DYNC2LI1: variants seen among roughly 807,000 people sequenced by gnomAD.
DYNC2LI1 encodes cytoplasmic dynein 2 light intermediate chain 1.
In DYNC2LI1, 45 loss-of-function variants were observed where a neutral mutation model predicts 51.9. The ratio of observed to expected loss-of-function variants is 0.87; its 90% confidence interval spans 0.68 to 1.11. The LOEUF is 1.11. Among genes scored for constraint, DYNC2LI1 ranks in the 50% most tolerant of loss-of-function variants. The probability of loss-of-function intolerance (pLI) is 0.00; values close to 1 mark genes in which losing one functional copy is unlikely to be tolerated. For missense variants in DYNC2LI1, 490 were observed against 417.4 expected (o/e 1.17, Z -1.51); for synonymous variants, 130 against 137.8 (o/e 0.94, Z 0.40).
Position 43,800,829 on chromosome 2 carries a change from A to C in DYNC2LI1, c.655-12A>C. Reference sequence around the variant, plus strand: ...ATAGAGCATGTAATTTGTTCTCCTGATTTGTTTAAAGTTTACCAGTAAATC... The same window carrying C: ...ATAGAGCATGTAATTTGTTCTCCTGCTTTGTTTAAAGTTTACCAGTAAATC... On this transcript the variant is annotated splice_polypyrimidine_tract_variant and intron_variant, in intron 8 of 12. Transcript: ENST00000260605. The C allele has an allele frequency of 6.7e-7, 1 of 1,500,726 alleles. No homozygotes were observed. Among genetic ancestry groups the C allele is most frequent in the Non-Finnish European group, 9.1e-7 (1 of 1,094,844 alleles). 93.0% of individuals were successfully genotyped at this position (1,500,726 alleles called of 1,614,324 possible).
At chr2:43,780,803 G>A (rs1019172686) in intron 2 of DYNC2LI1, among the ~76,000 whole-genome samples, 2 of 152,062 alleles carry the variant, frequency 1.3e-5, no homozygotes, top group Non-Finnish European at 2.9e-5. Context: ...GAGAGGGCTG[G>A]ACATCTGGGG....
At chr2:43,784,731 G>A (rs1405181636) in intron 3 of DYNC2LI1, among the ~76,000 whole-genome samples, 2 of 152,092 alleles carry the variant, frequency 1.3e-5, no homozygotes, top group Non-Finnish European at 2.9e-5. Flanking sequence ...ACCACGCCTG[G>A]CCCTGAAAAG....
the DYNC2LI1 span, among the ~76,000 whole-genome samples, chr2:43,821,127 G>A: frequency 3.3e-5 from 5 of 151,908 alleles, no homozygotes; most frequent in Non-Finnish European, 7.4e-5. Flanking sequence ...TCTTATACTC[G>A]CCCCTCCTTA....
At chr2:43,801,769 C>A in intron 10 of DYNC2LI1, 60 bp downstream of exon 10, 1 of 1,291,400 alleles carries the variant, frequency 7.7e-7, no homozygotes, top group Non-Finnish European at 1.1e-6. Flanking sequence ...TTTTGTCCTA[C>A]TCCATGTTCA....
the DYNC2LI1 span, chr2:43,824,868 G>A: frequency 2.5e-6 from 4 of 1,613,230 alleles, no homozygotes; most frequent in Non-Finnish European, 3.4e-6. Flanking sequence ...TCATGATGGG[G>A]AATGTGAAAG....
At chr2:43,789,980 A>G (rs1160290066) in intron 5 of DYNC2LI1, among the ~76,000 whole-genome samples, 1 of 152,222 alleles carries the variant, frequency 6.6e-6, no homozygotes, top group East Asian at 1.9e-4. Flanking sequence ...AACAAACAAA[A>G]ATACATCAAA....
At chr2:43,824,788 A>G in the DYNC2LI1 span, 1 of 1,557,246 alleles carries the variant, frequency 6.4e-7, no homozygotes, top group South Asian at 1.2e-5. Flanking sequence ...CAAAAACAAA[A>G]GCAAAAATCA....
At chr2:43,824,746 G>A in the DYNC2LI1 span, 26 of 1,447,386 alleles carry the variant, frequency 1.8e-5, no homozygotes, top group African/African-American at 1.0e-4. Context: ...TCATTGACCC[G>A]GCCAAATTGA....
At chr2:43,821,661 C>A in the DYNC2LI1 span, among the ~76,000 whole-genome samples, 1 of 152,256 alleles carries the variant, frequency 6.6e-6, no homozygotes. Context: ...TCCCCTCTGC[C>A]ACTTTGCCTC....
the DYNC2LI1 span, among the ~76,000 whole-genome samples, chr2:43,815,255 C>T: frequency 3.3e-5 from 5 of 152,208 alleles, no homozygotes; most frequent in African/African-American, 1.2e-4. Flanking sequence ...ACACTGTGGT[C>T]TTCTTAGTCC....
downstream of DYNC2LI1, chr2:43,810,566 T>C (rs1666445916): frequency 1.1e-5 from 11 of 958,434 alleles, no homozygotes; most frequent in Non-Finnish European, 1.4e-5. Context: ...TATTCTATGT[T>C]CTTCCATGTC....
At chr2:43,790,543 CT>C (rs3838570) in intron 5 of DYNC2LI1, among the ~76,000 whole-genome samples, 18,296 of 144,792 alleles carry the variant, frequency 0.13, 1,417 homozygotes, top group Admixed American at 0.22. Flanking sequence ...TTTATTTGGT[CT>C]TTTTTTTTTT....
At chr2:43,787,093 A>G (rs749229563) in intron 3 of DYNC2LI1, 88 bp from the exon 4 acceptor site, 12 of 1,065,538 alleles carry the variant, frequency 1.1e-5, no homozygotes, top group Non-Finnish European at 1.7e-5. Context: ...AAAGTTTTCA[A>G]GAGGAAGGAA....
intron 2 of DYNC2LI1, among the ~76,000 whole-genome samples, chr2:43,779,388 A>G (rs1329838871): frequency 6.6e-6 from 1 of 152,216 alleles, no homozygotes; most frequent in Non-Finnish European, 1.5e-5. Flanking sequence ...AAAGAAGCCC[A>G]CTGCCCTGCT....
At chr2:43,797,004 C>A (rs886752421) in intron 8 of DYNC2LI1, among the ~76,000 whole-genome samples, 3 of 152,172 alleles carry the variant, frequency 2.0e-5, no homozygotes, top group Non-Finnish European at 4.4e-5. Context: ...TTCTTTGGAA[C>A]AAAAGTTCTA....
chr2:43,790,213 G>A (rs534740341), intron 5 of DYNC2LI1, among the ~76,000 whole-genome samples: 5 of 152,330 alleles, frequency 3.3e-5, no homozygotes, highest in African/African-American at 1.2e-4. Context: ...TGACCTTAGA[G>A]AAATAGAACT....
At chr2:43,822,768 G>C in the DYNC2LI1 span, 29 of 1,613,972 alleles carry the variant, frequency 1.8e-5, no homozygotes, top group Non-Finnish European at 2.5e-5. Context: ...ATGGGAGCCC[G>C]GCCCTGGGTG....
chr2:43,818,300 C>T, the DYNC2LI1 span, among the ~76,000 whole-genome samples: 7 of 151,932 alleles, frequency 4.6e-5, no homozygotes, highest in Non-Finnish European at 8.8e-5. Context: ...AAAAATTAGC[C>T]GAGCATGGTG....
intron 12 of DYNC2LI1, among the ~76,000 whole-genome samples, chr2:43,806,338 C>G (rs1011821285): frequency 6.6e-6 from 1 of 152,128 alleles, no homozygotes; most frequent in African/African-American, 2.4e-5. Context: ...CACGTTGTTG[C>G]GAGGGTAACC....
Sources: allele counts gnomAD v4.1 joint callset (sites outside exome capture counted in the v4.1 genomes callset), GRCh38; gene constraint gnomAD v4.1.1; transcripts MANE v1.5; gene names NCBI Gene and HGNC (gene_info 2026-07-23, HGNC 2026-07-21).